SH3KBP1: variants seen among roughly 807,000 people sequenced by gnomAD.
SH3KBP1 encodes SH3 domain-containing kinase-binding protein 1.
SH3KBP1 carries 8 observed loss-of-function variants against 50.1 expected under a neutral mutation model. The ratio of observed to expected loss-of-function variants is 0.16; its 90% CI spans 0.09 to 0.29. SH3KBP1 has a LOEUF of 0.29. Among genes scored for constraint, SH3KBP1 ranks in the 10% least tolerant of loss-of-function variants. The pLI is 1.00. For synonymous variants in SH3KBP1, 227 were observed against 218.6 expected (o/e 1.04, Z -0.34); for missense variants, 377 against 535.2 (o/e 0.70, Z 2.92).
At chrX:19,771,189 C>T (rs1237664116) in intron 2 of SH3KBP1, among the ~76,000 whole-genome samples, 3 of 112,365 alleles carry the variant, frequency 2.7e-5, no homozygotes, top group Non-Finnish European at 5.6e-5. Flanking sequence ...CCCAGTAACT[C>T]TACTTATAAG....
At chrX:19,639,175 C>A (rs1041378216) in intron 7 of SH3KBP1, among the ~76,000 whole-genome samples, 1 of 111,210 alleles carries the variant, frequency 9.0e-6, no homozygotes, top group East Asian at 2.8e-4. Flanking sequence ...ACGATGTGTC[C>A]GTCAGTATGT....
At chrX:19,835,015 T>TG (rs1326626100) in intron 2 of SH3KBP1, among the ~76,000 whole-genome samples, 1 of 98,742 alleles carries the variant, frequency 1.0e-5, no homozygotes, top group Non-Finnish European at 2.0e-5. Context: ...CACTCCAACC[T>TG]GGGCAACAGA....
intron 4 of SH3KBP1, among the ~76,000 whole-genome samples, chrX:19,704,797 G>C (rs2063615211): frequency 8.9e-6 from 1 of 112,085 alleles, no homozygotes; most frequent in Admixed American, 9.4e-5. Flanking sequence ...AAAAACCTCT[G>C]TGTTTACCAT....
intron 1 of SH3KBP1, among the ~76,000 whole-genome samples, chrX:19,863,657 C>T (rs756561970): frequency 9.0e-6 from 1 of 111,463 alleles, no homozygotes; most frequent in South Asian, 3.8e-4. Flanking sequence ...GGACGGGGTC[C>T]CCAGCTGGGC....
intron 6 of SH3KBP1, among the ~76,000 whole-genome samples, chrX:19,656,923 C>A (rs963468864): frequency 8.9e-6 from 1 of 112,137 alleles, no homozygotes; most frequent in African/African-American, 3.2e-5. Flanking sequence ...AGTCAAATGT[C>A]TCCAAAAATG....
At chrX:19,591,541 C>G (rs1051188103) in intron 11 of SH3KBP1, among the ~76,000 whole-genome samples, 3 of 111,809 alleles carry the variant, frequency 2.7e-5, no homozygotes, top group African/African-American at 6.5e-5. Flanking sequence ...GCCACCCTCC[C>G]CTCCTCCAAC....
chrX:19,716,089 A>AT (rs754850146), intron 3 of SH3KBP1, among the ~76,000 whole-genome samples: 28 of 112,057 alleles, frequency 2.5e-4, no homozygotes, highest in African/African-American at 8.8e-4. Flanking sequence ...AGATTCACAC[A>AT]TTTTTTACTT....
chrX:19,832,948 T>C (rs2067944173), intron 2 of SH3KBP1, among the ~76,000 whole-genome samples: 1 of 112,611 alleles, frequency 8.9e-6, no homozygotes, highest in Admixed American at 9.3e-5. Context: ...GCCAGCCCTA[T>C]GCTATGAGCA....
intron 13 of SH3KBP1, among the ~76,000 whole-genome samples, chrX:19,553,726 G>A (rs1229470437): frequency 9.7e-6 from 1 of 102,595 alleles, no homozygotes; most frequent in Admixed American, 1.2e-4. Flanking sequence ...GCCTGGCCAC[G>A]CTTAGCAAGA....
intron 2 of SH3KBP1, among the ~76,000 whole-genome samples, chrX:19,757,199 G>A (rs1225191072): frequency 9.8e-6 from 1 of 102,382 alleles, no homozygotes; most frequent in Non-Finnish European, 2.0e-5. Flanking sequence ...AAATCCTGGG[G>A]TCCCAAAATC....
intron 6 of SH3KBP1, among the ~76,000 whole-genome samples, chrX:19,680,948 A>G (rs2063036011): frequency 1.8e-5 from 2 of 112,183 alleles, no homozygotes; most frequent in African/African-American, 6.5e-5. Flanking sequence ...TCAGGAATCA[A>G]GATGCATACA....
At chrX:19,792,450 T>C (rs1259521606) in intron 2 of SH3KBP1, among the ~76,000 whole-genome samples, 3 of 111,020 alleles carry the variant, frequency 2.7e-5, no homozygotes, top group African/African-American at 9.8e-5. Context: ...TTTTTAACTG[T>C]GTGATTTTTA....
chrX:19,616,858 A>T (rs1569345000), intron 8 of SH3KBP1, among the ~76,000 whole-genome samples: 1 of 110,603 alleles, frequency 9.0e-6, no homozygotes, highest in Non-Finnish European at 1.9e-5. Context: ...CTTAGCTAGA[A>T]CTCTAACATC....
At chrX:19,603,438 T>C (rs1401109596) in intron 9 of SH3KBP1, among the ~76,000 whole-genome samples, 1 of 111,952 alleles carries the variant, frequency 8.9e-6, no homozygotes, top group African/African-American at 3.2e-5. Context: ...TGCTACCTGA[T>C]TAAGTCTCTG....
chrX:19,535,053 G>A lies in SH3KBP1; in HGVS notation c.*1364C>T. The A allele has an allele frequency of 3.4e-6, 1 of 297,313 alleles. No homozygotes were observed. The highest frequency in any genetic ancestry group is 5.9e-6 in the Non-Finnish European group (1 of 170,273). The allele number at this position is 297,313 out of a possible 1,213,427, so 24.5% of individuals were successfully genotyped here. A position where few individuals can be genotyped will look rare whatever the true frequency, so the allele number is the denominator to read the frequency against. ...AGAAACACATCCAACATCTTCAGGG[G>A]CCATTAAGGGACCACCCCCTCCACC... On this transcript the variant is annotated 3_prime_UTR_variant, in exon 18 of 18. Transcript: ENST00000397821.
intron 5 of SH3KBP1, among the ~76,000 whole-genome samples, chrX:19,692,651 GTGTGTGTGTGTGTGTGTGTA>G (rs1193013337): frequency 8.6e-5 from 8 of 92,975 alleles, no homozygotes; most frequent in African/African-American, 2.2e-4. Context: ...GTGTGTGTGT[GTGTGTGTGTGTGTGTGTGTA>G]TGTATATATA....
At chrX:19,572,495 T>C (rs960666893) in intron 12 of SH3KBP1, among the ~76,000 whole-genome samples, 9 of 107,565 alleles carry the variant, frequency 8.4e-5, no homozygotes, top group African/African-American at 2.3e-4. Flanking sequence ...ATATGTTATA[T>C]ATAGTACATA....
intron 4 of SH3KBP1, among the ~76,000 whole-genome samples, chrX:19,700,741 G>C (rs1238630590): frequency 8.9e-6 from 1 of 112,346 alleles, no homozygotes; most frequent in African/African-American, 3.2e-5. Flanking sequence ...AATCTCAGAG[G>C]ATGTGGGAAA....
At position 19,536,406 on chromosome X, in the gene SH3KBP1, T is replaced by C; in HGVS notation, c.*11A>G. 9.0e-7 allele frequency: 1 copy of C among 1,116,133 alleles called. No homozygotes were observed. Among genetic ancestry groups the C allele is most frequent in the Non-Finnish European group, 1.2e-6 (1 of 820,353 alleles). The allele number at this position is 1,116,133 out of a possible 1,213,427, so 92.0% of individuals were successfully genotyped here. A position where few individuals can be genotyped will look rare whatever the true frequency, so the allele number is the denominator to read the frequency against. On this transcript the variant is annotated 3_prime_UTR_variant, in exon 18 of 18. Transcript: ENST00000397821. The stretch of plus-strand genomic sequence containing the variant: ...CAGGATGAATAATGTGACATTTCAT[T>C]GATCAAGTATTCATTTTGATTGTAG...
Sources: allele counts gnomAD v4.1 joint callset (sites outside exome capture counted in the v4.1 genomes callset), GRCh38; gene constraint gnomAD v4.1.1; transcripts MANE v1.5; gene names NCBI Gene and HGNC (gene_info 2026-07-23, HGNC 2026-07-21).